ARHGAP39: variants seen among roughly 807,000 people sequenced by gnomAD.
ARHGAP39 encodes the protein Rho GTPase activating protein 39.
A neutral mutation model predicts 106.9 loss-of-function variants in ARHGAP39; 44 were observed. The ratio of observed to expected loss-of-function variants is 0.41; its 90% CI spans 0.32 to 0.53. The LOEUF (loss-of-function observed/expected upper bound fraction) is 0.53, where lower values mean the gene tolerates loss of function less well. ARHGAP39 is among the 20% of genes least tolerant of loss of function. The pLI, the probability that ARHGAP39 is intolerant of heterozygous loss-of-function variation, is 0.21. For synonymous variants in ARHGAP39, 768 were observed against 693.2 expected (o/e 1.11, Z -1.69); for missense variants, 1,496 against 1,577.3 (o/e 0.95, Z 0.87).
intron 3 of ARHGAP39, among the ~76,000 whole-genome samples, chr8:144,562,005 C>T (rs1818193020): frequency 6.6e-6 from 1 of 151,294 alleles, no homozygotes; most frequent in Non-Finnish European, 1.5e-5. Context: ...CCATCACACT[C>T]CAGTGGTTTC....
In ARHGAP39 at chr8:144,657,296, G is replaced by A. The variant is rs1290322294; in HGVS notation, c.-82+28390C>T. On this transcript the variant is annotated intron_variant, in intron 1 of 11. Transcript: ENST00000377307. The stretch of plus-strand genomic sequence containing the variant: ...AAAAGAAAAAGAAAACAGAAAAGAG[G>A]AAAGAAAGAAAAAATTAGCTGGGCA... Among the ~76,000 whole-genome samples the A allele has an allele frequency of 1.3e-5, 2 of 151,692 alleles. 1 individual carries two copies. Among genetic ancestry groups the A allele is most frequent in the African/African-American group, 4.8e-5 (2 of 41,330 alleles).
chr8:144,552,606 C>G (rs1324836500), intron 4 of ARHGAP39, among the ~76,000 whole-genome samples: 1 of 152,182 alleles, frequency 6.6e-6, no homozygotes, highest in Admixed American at 6.5e-5. Context: ...CCAGGGCGAC[C>G]CCACTGCTAT....
intron 1 of ARHGAP39, among the ~76,000 whole-genome samples, chr8:144,620,527 G>A (rs1273331336): frequency 1.3e-5 from 2 of 151,052 alleles, no homozygotes; most frequent in East Asian, 1.9e-4. Context: ...GTGTGAGCCT[G>A]TGTCCCTGAG....
At chr8:144,552,383 G>A (rs1322824661) in intron 4 of ARHGAP39, among the ~76,000 whole-genome samples, 1 of 152,258 alleles carries the variant, frequency 6.6e-6, no homozygotes, top group African/African-American at 2.4e-5. Flanking sequence ...GGAGAAGCGC[G>A]CGGCGGCAGC....
rs375652830 is a variant in ARHGAP39 at position 144,548,508 on chromosome 8, G to A, written c.597-19C>T. 19 of 1,600,948 alleles carry A rather than the reference G, an allele frequency of 1.2e-5. No homozygotes were observed. In the African/African-American group the frequency reaches 1.6e-4, roughly 13 times the overall value. On this transcript the variant is annotated intron_variant, in intron 4 of 11. Transcript: ENST00000377307. This position sits in a 1 kb window ranked among gnomAD's most constrained non-coding sequence, Gnocchi z 7.4. ...GGAGGTCCTGCGTGGGGGGTGGACG[G>A]GCACAGGTGACTGCCTGCCTGCTGC...
At chr8:144,657,142 CCAGCACTTTTG>C in intron 1 of ARHGAP39, among the ~76,000 whole-genome samples, 1 of 151,908 alleles carries the variant, frequency 6.6e-6, no homozygotes, top group Middle Eastern at 3.4e-3. Context: ...GCCTGTAATT[CCAGCACTTTTG>C]CAGGCCAAGG....
chr8:144,573,077 T>C (rs891729257), intron 3 of ARHGAP39, among the ~76,000 whole-genome samples: 11 of 152,194 alleles, frequency 7.2e-5, no homozygotes, highest in African/African-American at 2.4e-4. Context: ...AGAAATACCA[T>C]TTGACCCAGC....
intron 1 of ARHGAP39, among the ~76,000 whole-genome samples, chr8:144,676,767 C>CG (rs1822253462): frequency 6.6e-6 from 1 of 152,228 alleles, no homozygotes; most frequent in Non-Finnish European, 1.5e-5. Context: ...CACCTCTCTG[C>CG]GAGCAGAGGG....
intron 3 of ARHGAP39, among the ~76,000 whole-genome samples, chr8:144,556,538 G>A (rs1018919539): frequency 1.4e-5 from 2 of 147,926 alleles, no homozygotes; most frequent in Admixed American, 1.4e-4. Context: ...AGTATTCAGC[G>A]GCAAAAGCCT....
At chr8:144,542,237 G>A (rs2130831965) in intron 6 of ARHGAP39, among the ~76,000 whole-genome samples, 1 of 152,328 alleles carries the variant, frequency 6.6e-6, no homozygotes, top group East Asian at 1.9e-4. Context: ...ACCTGTTGAG[G>A]GAGGTCCTGG....
rs1822092560 is a variant in ARHGAP39, at chr8:144,671,210, C to T, written c.-82+14476G>A. Among the ~76,000 whole-genome samples the T allele has an allele frequency of 6.6e-6, 1 of 152,222 alleles. No homozygotes were observed. Among genetic ancestry groups the T allele is most frequent in the South Asian group, 2.1e-4 (1 of 4,830 alleles). On this transcript the variant is annotated intron_variant, in intron 1 of 11. Transcript: ENST00000377307. The surrounding 1 kb of genome is among the most constrained non-coding windows in gnomAD (Gnocchi z 4.5). ...TGCGGGTCACTGACAAGAGTCTCTG[C>T]CCTGCAGCATCTCCCAGCCAGGGGC...
At position 144,644,441 on chromosome 8, in the gene ARHGAP39, T is replaced by C. The variant is rs1821392500; in HGVS notation, c.-81-38746A>G. ...CAAAGCAGCAGCATCTTCTAGGTGA[T>C]GGAAATGCTCAACAGGAGGTGATGG... On this transcript the variant is annotated intron_variant, in intron 1 of 11. Transcript: ENST00000377307. This position sits in a 1 kb window ranked among gnomAD's most constrained non-coding sequence, Gnocchi z 4.8. 1.3e-5 allele frequency among the ~76,000 whole-genome samples: 2 copies of C among 152,172 alleles called. No homozygotes were observed. The highest frequency in any genetic ancestry group is 6.5e-5 in the Admixed American group (1 of 15,272).
Position 144,621,197 on chromosome 8 carries a change from A to G in ARHGAP39, c.-81-15502T>C, listed in dbSNP as rs532024038. 4.9e-4 allele frequency among the ~76,000 whole-genome samples: 75 copies of G among 152,392 alleles called. 1 individual carries two copies. Among genetic ancestry groups the G allele is most frequent in the African/African-American group, 1.7e-3 (72 of 41,596 alleles). ...TCAGCCTGGACTCTGCAGGCCAACC[A>G]GTGCCCTCTCAGAAGTTGTGCAAAG... On this transcript the variant is annotated intron_variant, in intron 1 of 11. Transcript: ENST00000377307.
Position 144,670,085 on chromosome 8 carries a change from C to G in ARHGAP39, c.-82+15601G>C, listed in dbSNP as rs1822063010. Among the ~76,000 whole-genome samples, 1 of 152,210 alleles carries G rather than the reference C, an allele frequency of 6.6e-6. No homozygotes were observed. Among genetic ancestry groups the G allele is most frequent in the African/African-American group, 2.4e-5 (1 of 41,452 alleles). Reference sequence around the variant, plus strand: ...GAAAGTCTAAAGGAAACGGGGTTGACCTGTACAACGGAACGTCCCTCAGCA... The same window carrying G: ...GAAAGTCTAAAGGAAACGGGGTTGAGCTGTACAACGGAACGTCCCTCAGCA... On this transcript the variant is annotated intron_variant, in intron 1 of 11. Transcript: ENST00000377307. The surrounding 1 kb of genome is among the most constrained non-coding windows in gnomAD (Gnocchi z 4.4).
At chr8:144,618,024 T>G (rs930820466) in intron 1 of ARHGAP39, among the ~76,000 whole-genome samples, 1 of 152,098 alleles carries the variant, frequency 6.6e-6, no homozygotes, top group Non-Finnish European at 1.5e-5. Context: ...TCAAGGGATC[T>G]GCCTGCCTCG....
chr8:144,576,317 A>C (rs1818772288), intron 3 of ARHGAP39, among the ~76,000 whole-genome samples: 1 of 122,972 alleles, frequency 8.1e-6, no homozygotes, highest in South Asian at 3.0e-4. Flanking sequence ...TGGGCGACAG[A>C]GTGAGACTCC....
At chr8:144,652,952 C>T (rs1005714303) in intron 1 of ARHGAP39, among the ~76,000 whole-genome samples, 12 of 151,966 alleles carry the variant, frequency 7.9e-5, no homozygotes, top group African/African-American at 2.9e-4. Flanking sequence ...AGGAAAAGTC[C>T]AATTTATCAG....
chr8:144,567,311 G>A (rs1039404270), intron 3 of ARHGAP39, among the ~76,000 whole-genome samples: 2 of 152,244 alleles, frequency 1.3e-5, no homozygotes, highest in African/African-American at 4.8e-5. Flanking sequence ...ATAGTGAGGA[G>A]TGACCAGAAG....
intron 1 of ARHGAP39, chr8:144,683,308 C>G (rs1822477817): frequency 1.3e-5 from 2 of 150,016 alleles, no homozygotes; most frequent in Non-Finnish European, 3.0e-5. Flanking sequence ...GAGCGAGACT[C>G]TGTCTCAAAA....
Sources: allele counts gnomAD v4.1 joint callset (sites outside exome capture counted in the v4.1 genomes callset), GRCh38; gene constraint gnomAD v4.1.1; non-coding constraint Gnocchi (gnomAD v3.1); transcripts MANE v1.5; gene names NCBI Gene and HGNC (gene_info 2026-07-23, HGNC 2026-07-21).